Variants in SLC30A9 observed in about 807,000 individuals in gnomAD.
SLC30A9 encodes the protein solute carrier family 30 member 9.
Under a neutral mutation model 87.5 loss-of-function variants are expected in SLC30A9, and 58 were observed. The observed-to-expected ratio is 0.66, with a 90% CI of 0.54 to 0.82. SLC30A9 has a LOEUF of 0.82. SLC30A9 is among the 40% of genes least tolerant of loss of function. The pLI is 0.00. For missense variants in SLC30A9, 557 were observed against 679.1 expected (o/e 0.82, Z 2.00); for synonymous variants, 234 against 233.0 (o/e 1.00, Z -0.04).
At chr4:42,074,920 C>T (rs4861017) in intron 15 of SLC30A9, among the ~76,000 whole-genome samples, 3 of 148,152 alleles carry the variant, frequency 2.0e-5, no homozygotes, top group Non-Finnish European at 4.5e-5. Flanking sequence ...TAAATTAAAA[C>T]AAATTTTTAT....
At chr4:42,019,869 C>T (rs1216873348) in intron 3 of SLC30A9, among the ~76,000 whole-genome samples, 1 of 152,098 alleles carries the variant, frequency 6.6e-6, no homozygotes, top group Non-Finnish European at 1.5e-5. Context: ...ATCTGGCTCA[C>T]TGCAACCTCT....
intron 1 of SLC30A9, among the ~76,000 whole-genome samples, chr4:41,995,418 A>G (rs994235765): frequency 3.9e-5 from 6 of 152,066 alleles, no homozygotes; most frequent in African/African-American, 1.4e-4. Context: ...ATTGGATGCC[A>G]GGCATTATAG....
chr4:42,067,747 A>G (rs1281618856), intron 14 of SLC30A9, among the ~76,000 whole-genome samples: 1 of 152,210 alleles, frequency 6.6e-6, no homozygotes, highest in Non-Finnish European at 1.5e-5. Context: ...TTCCTCCCAC[A>G]TCACAATGCC....
chr4:42,073,652 C>T (rs1054480971), intron 15 of SLC30A9, among the ~76,000 whole-genome samples: 20 of 152,180 alleles, frequency 1.3e-4, no homozygotes, highest in Non-Finnish European at 2.6e-4. Context: ...CTGCTTCTAA[C>T]CTTACTCACA....
chr4:42,032,217 C>G (rs1025847020), intron 6 of SLC30A9, among the ~76,000 whole-genome samples: 1 of 151,906 alleles, frequency 6.6e-6, no homozygotes, highest in African/African-American at 2.4e-5. Context: ...GTTACCCCCC[C>G]ACCAGGCCCC....
intron 6 of SLC30A9, among the ~76,000 whole-genome samples, chr4:42,032,874 C>T (rs1000226500): frequency 1.3e-5 from 2 of 152,092 alleles, no homozygotes; most frequent in Admixed American, 6.5e-5. Context: ...CTAAAAGGAG[C>T]CACTTTTCTT....
chr4:42,048,248 G>GT (rs1717249866), intron 8 of SLC30A9, among the ~76,000 whole-genome samples: 1 of 151,936 alleles, frequency 6.6e-6, no homozygotes, highest in Non-Finnish European at 1.5e-5. Context: ...AATAAACATT[G>GT]TTTAAAAAAA....
In SLC30A9 at chr4:42,067,248, A is replaced by G. The variant is rs1577718954; in HGVS notation, c.1252+56A>G. The G allele has an allele frequency of 7.5e-6, 8 of 1,070,718 alleles. No individual in the cohort carries two copies. In the East Asian group the frequency reaches 1.9e-4, roughly 26 times the overall value. The allele number at this position is 1,070,718 out of a possible 1,614,324, so 66.3% of individuals were successfully genotyped here. On this transcript the variant is annotated intron_variant, in intron 14 of 17. Transcript: ENST00000264451. ...TTTGTCCTACTTAAATAATTCTCTA[A>G]TATGTGGGAATTTTCTCTTATATCA...
intron 7 of SLC30A9, among the ~76,000 whole-genome samples, chr4:42,035,966 C>G (rs1716661654): frequency 6.6e-6 from 1 of 152,176 alleles, no homozygotes; most frequent in Non-Finnish European, 1.5e-5. Flanking sequence ...GCTCCTAACT[C>G]TGGTTCAACA....
intron 2 of SLC30A9, among the ~76,000 whole-genome samples, chr4:42,002,982 C>T (rs555850696): frequency 2.0e-5 from 3 of 152,170 alleles, no homozygotes; most frequent in Admixed American, 6.5e-5. Context: ...TTAACCCTTC[C>T]TTCCTTTCTG....
intron 4 of SLC30A9, among the ~76,000 whole-genome samples, chr4:42,021,364 A>G (rs1007832475): frequency 1.3e-5 from 2 of 152,218 alleles, no homozygotes; most frequent in African/African-American, 2.4e-5. Flanking sequence ...AAGCTGATCC[A>G]TACATTTTTA....
chr4:42,038,918 A>C (rs1290637085), intron 7 of SLC30A9, 68 bp from the exon 8 acceptor site: 3 of 999,602 alleles, frequency 3.0e-6, no homozygotes, highest in Non-Finnish European at 4.8e-6. Context: ...GGTCTGTCAA[A>C]GCCACCAGTT....
intron 12 of SLC30A9, 57 bp downstream of exon 12, chr4:42,065,406 G>C: frequency 1.1e-6 from 1 of 935,846 alleles, no homozygotes; most frequent in Non-Finnish European, 1.7e-6. Flanking sequence ...ATATTCAGCT[G>C]TCCATTATTA....
intron 2 of SLC30A9, among the ~76,000 whole-genome samples, chr4:42,017,880 G>A (rs1015780957): frequency 6.6e-6 from 1 of 152,072 alleles, no homozygotes; most frequent in Admixed American, 6.6e-5. Context: ...TGTATTAAAT[G>A]CTTTTTCTTT....
At chr4:42,079,425 C>G (rs916702938) in intron 17 of SLC30A9, among the ~76,000 whole-genome samples, 4 of 151,728 alleles carry the variant, frequency 2.6e-5, no homozygotes, top group African/African-American at 9.7e-5. Context: ...TCCTGAGTAG[C>G]TGGGACTACA....
intron 3 of SLC30A9, among the ~76,000 whole-genome samples, chr4:42,020,022 A>G: frequency 6.6e-6 from 1 of 151,630 alleles, no homozygotes; most frequent in East Asian, 1.9e-4. Flanking sequence ...CTGGTCTCAA[A>G]CTCTTGACCT....
chr4:42,084,445 G>T (rs1398155329), intron 17 of SLC30A9, among the ~76,000 whole-genome samples: 7 of 150,988 alleles, frequency 4.6e-5, no homozygotes, highest in Non-Finnish European at 5.9e-5. Flanking sequence ...GTTGATTTAG[G>T]TGCCCTTCCT....
intron 8 of SLC30A9, among the ~76,000 whole-genome samples, chr4:42,040,730 A>T (rs1223376602): frequency 7.1e-6 from 1 of 139,872 alleles, no homozygotes; most frequent in Non-Finnish European, 1.5e-5. Flanking sequence ...CGGGAGGTGG[A>T]GCTTGCAGTG....
chr4:42,036,880 G>A (rs775904967), intron 7 of SLC30A9, among the ~76,000 whole-genome samples: 3 of 152,110 alleles, frequency 2.0e-5, no homozygotes, highest in Non-Finnish European at 4.4e-5. Flanking sequence ...ATTGCCTCTT[G>A]TGCTGGGATA....
Sources: gnomAD v4.1 joint callset for allele counts (sites outside exome capture counted in the v4.1 genomes callset) on GRCh38, gnomAD v4.1.1 for gene constraint, MANE v1.5 for transcripts, NCBI Gene and HGNC (gene_info 2026-07-23, HGNC 2026-07-21) for gene names.